Variants in RUFY3 observed in about 807,000 individuals in gnomAD.
RUFY3 encodes the protein RUN and FYVE domain containing 3, also known as protein RUFY3.
RUFY3 carries 34 observed loss-of-function variants against 84.0 expected under a neutral mutation model. The ratio of observed to expected loss-of-function variants is 0.40; its 90% confidence interval spans 0.31 to 0.54. The LOEUF (loss-of-function observed/expected upper bound fraction) is 0.54, where lower values mean the gene tolerates loss of function less well. Ranked by LOEUF, RUFY3 falls within the 20% of genes least tolerant of loss-of-function variation. The pLI, the probability that RUFY3 is intolerant of heterozygous loss-of-function variation, is 0.39. For synonymous variants in RUFY3, 242 were observed against 252.9 expected (o/e 0.96, Z 0.41); for missense variants, 507 against 736.8 (o/e 0.69, Z 3.61).
intron 14 of RUFY3, among the ~76,000 whole-genome samples, chr4:70,798,422 G>A (rs917134576): frequency 6.6e-6 from 1 of 152,096 alleles, no homozygotes; most frequent in Admixed American, 6.6e-5. Flanking sequence ...ATGGGCAGCA[G>A]TCGAAGGCGG....
rs546449384 is a variant in RUFY3 at position 70,800,211 on chromosome 4, T to A, written c.1622+6T>A. 6.3e-7 allele frequency: 1 copy of A among 1,597,164 alleles called. No individual in the cohort carries two copies. The highest frequency in any genetic ancestry group is 8.5e-7 in the Non-Finnish European group (1 of 1,174,394). ...CCCCTGGAAGAAAGCCACAGGTGTT[T>A]GTTAATCAAGTATTAACTAAGATGT... is the stretch of plus-strand genomic sequence containing the variant. On this transcript the variant is annotated splice_donor_region_variant and intron_variant, in intron 15 of 17. Coordinates refer to ENST00000381006, the MANE Select transcript of RUFY3 (RefSeq NM_001037442.4).
At chr4:70,774,644 A>AAAAAAATATATATAT (rs1553916771) in intron 6 of RUFY3, among the ~76,000 whole-genome samples, 2 of 56,674 alleles carry the variant, frequency 3.5e-5, no homozygotes, top group African/African-American at 1.7e-4. Context: ...AAAAAAAAAA[A>AAAAAAATATATATAT]ATATATATAT....
In RUFY3 at chr4:70,763,646, T is replaced by C; in HGVS notation, c.447T>C (p.Ser149=). The C allele has an allele frequency of 6.2e-7, 1 of 1,611,958 alleles. No homozygotes were observed. The highest frequency in any genetic ancestry group is 8.5e-7 in the Non-Finnish European group (1 of 1,178,646). ...CAGAAGCCGCAGAGATAACAGCAAG[T>C]GTTAAAGATCTTCCAGGACTTAAGT... ...LVPEAAEITA[S]VKDLPGLKTP... The change falls in exon 3 of 18, where the codon AGT becomes AGC. Residue 149 remains serine, a synonymous_variant. Transcript: ENST00000381006.
chr4:70,797,341 C>T (rs1013112612), intron 14 of RUFY3, among the ~76,000 whole-genome samples: 11 of 152,074 alleles, frequency 7.2e-5, no homozygotes, highest in African/African-American at 2.2e-4. Context: ...TATTTTGGTG[C>T]GAAATATTTT....
chr4:70,762,409 G>A (rs1725186706), intron 1 of RUFY3, 110 bp from the exon 2 acceptor site: 2 of 915,602 alleles, frequency 2.2e-6, no homozygotes. Context: ...AAGGAAACTG[G>A]CATTTTTTTT....
At chr4:70,752,180 A>C (rs1339312455) in intron 1 of RUFY3, among the ~76,000 whole-genome samples, 1 of 152,180 alleles carries the variant, frequency 6.6e-6, no homozygotes, top group African/African-American at 2.4e-5. Context: ...TTCTGGTGCT[A>C]TTGTAAATGG....
chr4:70,748,167 C>G (rs965836476), intron 1 of RUFY3, among the ~76,000 whole-genome samples: 1 of 152,190 alleles, frequency 6.6e-6, no homozygotes, highest in Non-Finnish European at 1.5e-5. Context: ...CGCTGATTCT[C>G]TGCTCAAAAC....
chr4:70,758,040 A>G (rs971737146), intron 1 of RUFY3, among the ~76,000 whole-genome samples: 1 of 152,144 alleles, frequency 6.6e-6, no homozygotes. Context: ...TTTTTACTTT[A>G]TATAGTTAAA....
rs910127654 is a variant in RUFY3, at chr4:70,705,001, G to A, written c.65G>A (p.Gly22Asp). The change falls in exon 1 of 12, where the codon GGC becomes GAC. Residue 22 changes from glycine to aspartate, a missense_variant. Physicochemically the swap from Gly to Asp is moderately conservative, Grantham distance 94 (BLOSUM62 -1). Transcript: ENST00000417478. Reference sequence around the variant, plus strand: ...AGTTGCAGCGAGGAGCCGGCGAGGGGCGGGGAGTGGCGGCCGGAGGAGCCG... The same window carrying A: ...AGTTGCAGCGAGGAGCCGGCGAGGGACGGGGAGTGGCGGCCGGAGGAGCCG... 21 of 1,224,774 alleles carry A rather than the reference G, an allele frequency of 1.7e-5. No homozygotes were observed. In the African/African-American group the frequency reaches 3.2e-4, roughly 18 times the overall value. 75.9% of individuals were successfully genotyped at this position (1,224,774 alleles called of 1,614,324 possible).
At chr4:70,804,259 T>C (rs1286311776) in intron 16 of RUFY3, 89 bp from the exon 17 acceptor site, 1 of 1,009,326 alleles carries the variant, frequency 9.9e-7, no homozygotes, top group Non-Finnish European at 1.5e-6. Flanking sequence ...AGTGTGATTA[T>C]ATTAATATTG....
At chr4:70,758,333 G>T (rs1724388246) in intron 1 of RUFY3, among the ~76,000 whole-genome samples, 1 of 152,150 alleles carries the variant, frequency 6.6e-6, no homozygotes, top group Admixed American at 6.6e-5. Flanking sequence ...ATTATTAGCA[G>T]CCAACATTAT....
chr4:70,709,776 A>G (rs1312013707), intron 1 of RUFY3, among the ~76,000 whole-genome samples: 2 of 152,154 alleles, frequency 1.3e-5, no homozygotes, highest in African/African-American at 4.8e-5. Context: ...TTCTCCTTCC[A>G]ACTCCCACAA....
chr4:70,737,674 C>CTCTTTT (rs1720551933), intron 1 of RUFY3, among the ~76,000 whole-genome samples: 1 of 143,210 alleles, frequency 7.0e-6, no homozygotes, highest in Non-Finnish European at 1.5e-5. Context: ...ATATTAATTC[C>CTCTTTT]TCTTTTTTTT....
In RUFY3 at chr4:70,733,164, G is replaced by A. The variant is rs192378282; in HGVS notation, c.178+10413G>A. Among the ~76,000 whole-genome samples the A allele has an allele frequency of 9.1e-3, 1,226 of 134,606 alleles. 14 individuals are homozygous for A. The highest frequency in any genetic ancestry group is 0.029 in the South Asian group (123 of 4,274). The allele number at this position is 134,606 out of a possible 152,430, so 88.3% of individuals were successfully genotyped here. On this transcript the variant is annotated intron_variant, in intron 1 of 17. Transcript: ENST00000381006. ...AGAGAGAGAGAGAGAGAGAGAGAGA[G>A]AGAAAGAAAGAAAGAAAAATGGATT...
chr4:70,705,366 C>T, intron 1 of RUFY3: 2 of 1,098,246 alleles, frequency 1.8e-6, no homozygotes, highest in Non-Finnish European at 1.2e-6. Flanking sequence ...GGCCCGGCCC[C>T]CGCGGAGCTC....
chr4:70,723,810 AG>A (rs1370063407), intron 1 of RUFY3, among the ~76,000 whole-genome samples: 6 of 152,232 alleles, frequency 3.9e-5, no homozygotes, highest in African/African-American at 1.4e-4. Context: ...AGATGGGGTT[AG>A]GAAAGGTGAT....
At chr4:70,718,039 T>C (rs6447034), upstream of RUFY3, among the ~76,000 whole-genome samples, 14,988 of 151,748 alleles carry the variant, frequency 0.099, 1,591 homozygotes, top group African/African-American at 0.27. Flanking sequence ...CCCACCACCA[T>C]GCCCAGCTAA....
rs1245540007 is a variant in RUFY3 at position 70,804,351 on chromosome 4, C to T, written c.1654C>T (p.Gln552Ter). 1 of 1,613,830 alleles carries T rather than the reference C, an allele frequency of 6.2e-7. No individual in the cohort carries two copies. The highest frequency in any genetic ancestry group is 1.7e-5 in the Admixed American group (1 of 60,014). Residue 552 changes from glutamine to a stop codon, truncating the protein, a stop_gained, in exon 17 of 18, where the codon CAG becomes TAG. Transcript: ENST00000381006. LOFTEE classifies it high-confidence loss of function. ...LQPHPMDEQD[Q>*]LLLSEKPQLC... Reference sequence around the variant, plus strand: ...ACCAGCTCCCTGTGTGGTTTAGGATCAGCTGCTGCTCTCTGAAAAGCCACA... The same window carrying T: ...ACCAGCTCCCTGTGTGGTTTAGGATTAGCTGCTGCTCTCTGAAAAGCCACA...
intron 1 of RUFY3, among the ~76,000 whole-genome samples, chr4:70,708,461 C>G (rs1383117693): frequency 1.3e-5 from 2 of 152,074 alleles, no homozygotes; most frequent in African/African-American, 4.8e-5. Context: ...ACACCTGGCC[C>G]CAAACAGTTT....
Sources: allele counts gnomAD v4.1 joint callset (sites outside exome capture counted in the v4.1 genomes callset), GRCh38; gene constraint gnomAD v4.1.1; transcripts MANE v1.5; gene names NCBI Gene and HGNC (gene_info 2026-07-23, HGNC 2026-07-21).